The following CRIM1 variants were observed in gnomAD, a reference collection of about 807,000 sequenced individuals.
CRIM1 encodes the protein cysteine-rich motor neuron 1 protein.
Under a neutral mutation model 116.4 loss-of-function variants are expected in CRIM1, and 32 were observed. That is an observed-to-expected ratio of 0.27 (90% CI 0.21 to 0.37). CRIM1 has a LOEUF of 0.37. Ranked by LOEUF, CRIM1 falls within the 10% of genes least tolerant of loss-of-function variation. The pLI is 1.00. For missense variants in CRIM1, 1,331 were observed against 1,354.8 expected (o/e 0.98, Z 0.28); for synonymous variants, 590 against 509.2 (o/e 1.16, Z -2.13).
chr2:36,369,754 T>G (rs926852254), intron 1 of CRIM1, among the ~76,000 whole-genome samples: 38 of 152,204 alleles, frequency 2.5e-4, no homozygotes, highest in African/African-American at 8.7e-4. Flanking sequence ...CCTAAAAAGA[T>G]GTACTCAGGG....
At chr2:36,519,274 G>A (rs1419816672) in intron 12 of CRIM1, among the ~76,000 whole-genome samples, 2 of 152,312 alleles carry the variant, frequency 1.3e-5, no homozygotes, top group East Asian at 3.9e-4. Flanking sequence ...ATGCTAACAT[G>A]GGTGGCATGT....
rs1444504303 is a variant in CRIM1, at chr2:36,510,055, A to C, written c.1574A>C (p.Gln525Pro). Residue 525 changes from glutamine to proline, a missense_variant, in exon 9 of 17, where the codon CAA becomes CCA. This residue lies in a region of CRIM1 where 358 missense variants were observed against 436.1 expected (regional missense o/e 0.82). Coordinates refer to ENST00000280527, the MANE Select transcript of CRIM1 (RefSeq NM_016441.3). ...CCCTTCGGTTTCCTTACTGATGCCCAAAACTGTGAGATCTGTGAGTGCCGC... is the reference window on the plus strand; with the variant it reads ...CCCTTCGGTTTCCTTACTGATGCCCCAAACTGTGAGATCTGTGAGTGCCGC... ...NCPFGFLTDA[Q>P]NCEICECRPR... 6.2e-7 allele frequency: 1 copy of C among 1,614,216 alleles called. No individual in the cohort carries two copies. Among genetic ancestry groups the C allele is most frequent in the East Asian group, 2.2e-5 (1 of 44,874 alleles).
chr2:36,518,681 T>C (rs930234793), intron 12 of CRIM1, among the ~76,000 whole-genome samples: 3 of 152,208 alleles, frequency 2.0e-5, no homozygotes, highest in Non-Finnish European at 4.4e-5. Flanking sequence ...AAATAGTTCA[T>C]ATGTGTTACA....
chr2:36,427,432 G>A (rs2124885273), intron 2 of CRIM1, among the ~76,000 whole-genome samples: 1 of 152,258 alleles, frequency 6.6e-6, no homozygotes, highest in South Asian at 2.1e-4. Context: ...GAGCAGAGAA[G>A]CACTGTTTGA....
chr2:36,518,200 G>A (rs1401590047), intron 12 of CRIM1, among the ~76,000 whole-genome samples: 1 of 152,052 alleles, frequency 6.6e-6, no homozygotes, highest in Non-Finnish European at 1.5e-5. Flanking sequence ...TAAGTTACTG[G>A]TTTTATATAA....
rs141093704 is a variant in CRIM1, at chr2:36,365,347, T to C, written c.331+8724T>C. Among the ~76,000 whole-genome samples, 29 of 152,338 alleles carry C rather than the reference T, an allele frequency of 1.9e-4. 1 individual carries two copies. The highest frequency in any genetic ancestry group is 6.5e-4 in the African/African-American group (27 of 41,568). On this transcript the variant is annotated intron_variant, in intron 1 of 16. Coordinates refer to ENST00000280527, the MANE Select transcript of CRIM1 (RefSeq NM_016441.3). Reference sequence around the variant, plus strand: ...AAATTTCCTTTTATTGTTAGAACTTTTTGAGGATTTCTGGACATCACTGGA... The same window carrying C: ...AAATTTCCTTTTATTGTTAGAACTTCTTGAGGATTTCTGGACATCACTGGA...
intron 1 of CRIM1, among the ~76,000 whole-genome samples, chr2:36,376,155 C>A (rs1029130146): frequency 6.6e-6 from 1 of 152,204 alleles, no homozygotes; most frequent in Non-Finnish European, 1.5e-5. Context: ...TATAAAACTT[C>A]AAGGTGGGAA....
intron 13 of CRIM1, among the ~76,000 whole-genome samples, chr2:36,534,332 A>T (rs1666349423): frequency 8.9e-6 from 1 of 112,288 alleles, no homozygotes; most frequent in South Asian, 3.5e-4. Context: ...GAAGGAGAAA[A>T]GGAGGGAGGG....
chr2:36,481,806 T>C lies in CRIM1; in HGVS notation c.1372+2112T>C, dbSNP rs1442145746. On this transcript the variant is annotated intron_variant, in intron 7 of 16. Coordinates refer to ENST00000280527, the MANE Select transcript of CRIM1 (RefSeq NM_016441.3). ...CGGCTCCATTTGTGCTTGCTTCCCC[T>C]GCCCCACACAGCATCCCAGCCTAAC... is the stretch of plus-strand genomic sequence containing the variant. Among the ~76,000 whole-genome samples the C allele has an allele frequency of 2.0e-5, 3 of 152,318 alleles. No individual in the cohort carries two copies. In the East Asian group the frequency reaches 5.8e-4, roughly 29 times the overall value.
chr2:36,405,800 G>A (rs911871429), intron 2 of CRIM1, among the ~76,000 whole-genome samples: 12 of 151,954 alleles, frequency 7.9e-5, no homozygotes, highest in Non-Finnish European at 1.5e-4. Context: ...TTAATACATG[G>A]TAATGATTTC....
chr2:36,359,105 A>C (rs11892042), intron 1 of CRIM1, among the ~76,000 whole-genome samples: 1 of 152,172 alleles, frequency 6.6e-6, no homozygotes, highest in Non-Finnish European at 1.5e-5. Context: ...TTCCATTTTT[A>C]TTCAGAAATT....
At chr2:36,491,813 C>G (rs950420) in intron 7 of CRIM1, among the ~76,000 whole-genome samples, 45,721 of 152,062 alleles carry the variant, frequency 0.3, 7,257 homozygotes, top group South Asian at 0.4. Context: ...CACACACAAA[C>G]CCGCATACCT....
At position 36,398,108 on chromosome 2, in the gene CRIM1, C is replaced by G. The variant is rs1442750342; in HGVS notation, c.505+1321C>G. Among the ~76,000 whole-genome samples, 3 of 152,308 alleles carry G rather than the reference C, an allele frequency of 2.0e-5. No homozygotes were observed. The South Asian group carries it at 6.2e-4, about 32-fold the overall frequency. ...TGTAAACATTTAGGGATATAGATGA[C>G]GTGATCACATGTCTGTTTACATAGT... is the stretch of plus-strand genomic sequence containing the variant. On this transcript the variant is annotated intron_variant, in intron 2 of 16. Transcript: ENST00000280527.
In CRIM1 at chr2:36,544,447, G is replaced by A. The variant is rs755284812; in HGVS notation, c.2695G>A (p.Val899Ile). 23 of 1,424,222 alleles carry A rather than the reference G, an allele frequency of 1.6e-5. No homozygotes were observed. In the South Asian group the frequency reaches 2.8e-4, roughly 17 times the overall value. 88.2% of individuals were successfully genotyped at this position (1,424,222 alleles called of 1,614,324 possible). ...CCATCGAGGAGAGGTTGACCTGGAG[G>A]TTCCCCTGTGGCCCACGCCTAGTGA... ...TNHRGEVDLE[V>I]PLWPTPSEND... Residue 899 changes from valine (V) to isoleucine (I), a missense_variant, in exon 15 of 17, where the codon GTT becomes ATT. Coordinates refer to ENST00000280527, the MANE Select transcript of CRIM1 (RefSeq NM_016441.3).
At chr2:36,541,521 C>A (rs919785303) in intron 14 of CRIM1, among the ~76,000 whole-genome samples, 1 of 152,088 alleles carries the variant, frequency 6.6e-6, no homozygotes, top group Non-Finnish European at 1.5e-5. Context: ...CCTAAATTGA[C>A]CTCAGGTTCC....
At chr2:36,523,381 A>G (rs796655895) in intron 13 of CRIM1, among the ~76,000 whole-genome samples, 21 of 152,226 alleles carry the variant, frequency 1.4e-4, no homozygotes, top group African/African-American at 5.1e-4. Flanking sequence ...CCTTCTTGTG[A>G]CCCGTGGTGG....
chr2:36,478,822 T>C (rs1054029970), intron 6 of CRIM1, among the ~76,000 whole-genome samples: 11 of 144,436 alleles, frequency 7.6e-5, no homozygotes, highest in Non-Finnish European at 1.3e-4. Flanking sequence ...TATATACTTG[T>C]CAGTAACCTC....
At chr2:36,459,120 A>G (rs1380528357) in intron 4 of CRIM1, among the ~76,000 whole-genome samples, 1 of 152,092 alleles carries the variant, frequency 6.6e-6, no homozygotes, top group African/African-American at 2.4e-5. Context: ...GTACAAATTA[A>G]ACTGTGACCA....
At chr2:36,493,507 A>T (rs1002128140) in intron 7 of CRIM1, among the ~76,000 whole-genome samples, 8 of 152,176 alleles carry the variant, frequency 5.3e-5, no homozygotes, top group African/African-American at 9.7e-5. Context: ...ACAAGACAGT[A>T]CTACACACAG....
Sources: allele counts gnomAD v4.1 joint callset (sites outside exome capture counted in the v4.1 genomes callset), GRCh38; gene constraint gnomAD v4.1.1; regional missense constraint gnomAD v4.1.1; transcripts MANE v1.5; gene names NCBI Gene and HGNC (gene_info 2026-07-23, HGNC 2026-07-21).